The following DENND1B variants were observed in gnomAD, a reference collection of about 807,000 sequenced individuals.
DENND1B encodes DENN domain-containing protein 1B.
DENND1B carries 59 observed loss-of-function variants against 90.1 expected under a neutral mutation model. That is an observed-to-expected ratio of 0.65 (90% confidence interval 0.53 to 0.81). The LOEUF (loss-of-function observed/expected upper bound fraction) is 0.81, where lower values mean the gene tolerates loss of function less well. Ranked by LOEUF, DENND1B falls within the 40% of genes least tolerant of loss-of-function variation. The pLI is 0.00. For synonymous variants in DENND1B, 337 were observed against 324.6 expected, an observed-to-expected ratio of 1.04 and a Z score of -0.41; for missense variants, 862 against 912.6, an observed-to-expected ratio of 0.94 and a Z score of 0.71.
intron 10 of DENND1B, among the ~76,000 whole-genome samples, chr1:197,629,404 A>G (rs1679110121): frequency 1.3e-5 from 2 of 151,972 alleles, no homozygotes; most frequent in South Asian, 4.2e-4. Flanking sequence ...GGAAATCATG[A>G]TTCTCAGTAA....
intron 3 of DENND1B, among the ~76,000 whole-genome samples, chr1:197,703,066 C>T (rs897813712): frequency 6.6e-6 from 1 of 152,068 alleles, no homozygotes; most frequent in African/African-American, 2.4e-5. Flanking sequence ...CAGCTCACTG[C>T]AACCTCCGCC....
At chr1:197,666,960 C>G (rs911106509) in intron 5 of DENND1B, among the ~76,000 whole-genome samples, 1 of 152,002 alleles carries the variant, frequency 6.6e-6, no homozygotes, top group African/African-American at 2.4e-5. Flanking sequence ...ATGGTGAAAC[C>G]CCGTCTCTAC....
At chr1:197,617,078 T>G (rs1677716810) in intron 11 of DENND1B, among the ~76,000 whole-genome samples, 1 of 151,022 alleles carries the variant, frequency 6.6e-6, no homozygotes, top group South Asian at 2.1e-4. Context: ...CAGGAAACTT[T>G]TCAGAACTAC....
chr1:197,612,246 T>C (rs1162905876), intron 11 of DENND1B, among the ~76,000 whole-genome samples: 1 of 150,642 alleles, frequency 6.6e-6, no homozygotes, highest in African/African-American at 2.4e-5. Context: ...AGTTTGTTTG[T>C]TGGTTTGTTT....
At chr1:197,735,870 C>A (rs1662625750) in intron 2 of DENND1B, 1 of 1,573,754 alleles carries the variant, frequency 6.4e-7, no homozygotes, top group Non-Finnish European at 8.7e-7. Context: ...AGTCAAATTG[C>A]AGGGGGCTAT....
In DENND1B at chr1:197,510,239, A is replaced by G; in HGVS notation, c.*221T>C. On this transcript the variant is annotated 3_prime_UTR_variant, in exon 23 of 23. Coordinates refer to ENST00000620048, the MANE Select transcript of DENND1B (RefSeq NM_001195215.2). ...CTCATGGTCAATACATACTTTAAAC[A>G]TACATACACACTAGTACCTGATTTA... is the stretch of plus-strand genomic sequence containing the variant. 2 of 552,922 alleles carry G rather than the reference A, an allele frequency of 3.6e-6. No individual in the cohort carries two copies. Among genetic ancestry groups the G allele is most frequent in the Non-Finnish European group, 6.2e-6 (2 of 320,734 alleles). The allele number at this position is 552,922 out of a possible 1,614,324, so 34.3% of individuals were successfully genotyped here.
chr1:197,556,306 T>C (rs886689052), intron 15 of DENND1B, among the ~76,000 whole-genome samples: 4 of 151,948 alleles, frequency 2.6e-5, no homozygotes, highest in South Asian at 2.1e-4. Flanking sequence ...CTCAGCATCA[T>C]GCAACATACC....
intron 18 of DENND1B, among the ~76,000 whole-genome samples, chr1:197,544,895 GA>G: frequency 4.9e-5 from 1 of 20,512 alleles, no homozygotes; most frequent in Non-Finnish European, 1.1e-4. Context: ...AGAGGAAGAA[GA>G]AGAAGAAAGA....
intron 9 of DENND1B, among the ~76,000 whole-genome samples, chr1:197,643,355 C>G (rs1380280021): frequency 6.6e-6 from 1 of 151,994 alleles, no homozygotes; most frequent in African/African-American, 2.4e-5. Context: ...TGGGGTTTCA[C>G]CATGTTGGCC....
chr1:197,655,907 G>A (rs1368659676), intron 6 of DENND1B, among the ~76,000 whole-genome samples: 1 of 152,104 alleles, frequency 6.6e-6, no homozygotes, highest in Non-Finnish European at 1.5e-5. Flanking sequence ...ACTGTATAGA[G>A]TTATGTTCTG....
At position 197,645,705 on chromosome 1, in the gene DENND1B, T is replaced by C; in HGVS notation, c.546A>G (p.Pro182=). The C allele has an allele frequency of 6.4e-7, 1 of 1,567,594 alleles. No individual in the cohort carries two copies. Among genetic ancestry groups the C allele is most frequent in the Admixed American group, 1.8e-5 (1 of 56,446 alleles). ...YFIAPDVTGL[P]TIPESRNLTE... is the part of the protein sequence containing the mutation. The stretch of plus-strand genomic sequence containing the variant: ...GGAAACTTACACTCTCGGGTATTGT[T>C]GGGAGTCCAGTTACATCAGGGGCAA... The change falls in exon 9 of 23, where the codon CCA becomes CCG. Residue 182 remains proline, a synonymous_variant. Coordinates refer to ENST00000620048, the MANE Select transcript of DENND1B (RefSeq NM_001195215.2).
intron 3 of DENND1B, among the ~76,000 whole-genome samples, chr1:197,714,806 AT>A (rs1199506830): frequency 6.6e-6 from 1 of 152,120 alleles, no homozygotes; most frequent in Non-Finnish European, 1.5e-5. Flanking sequence ...TCTAGCTCCT[AT>A]GAGTTTCAAT....
chr1:197,576,389 C>T (rs1323544144), intron 15 of DENND1B, among the ~76,000 whole-genome samples: 1 of 152,158 alleles, frequency 6.6e-6, no homozygotes, highest in Admixed American at 6.5e-5. Context: ...AAATCCGGAT[C>T]TACTGGATTC....
At chr1:197,511,304 T>C (rs1308914171) in intron 22 of DENND1B, among the ~76,000 whole-genome samples, 1 of 151,800 alleles carries the variant, frequency 6.6e-6, no homozygotes. Context: ...TAAATTTGCA[T>C]AAAATAATGT....
At chr1:197,620,468 C>T (rs79234531) in intron 10 of DENND1B, among the ~76,000 whole-genome samples, 3,767 of 151,350 alleles carry the variant, frequency 0.025, 155 homozygotes, top group African/African-American at 0.086. Context: ...TATTTTCTCT[C>T]ATAGATCAAA....
intron 15 of DENND1B, among the ~76,000 whole-genome samples, chr1:197,563,949 A>G (rs963945320): frequency 6.6e-6 from 1 of 152,010 alleles, no homozygotes; most frequent in African/African-American, 2.4e-5. Flanking sequence ...GATGTGATGG[A>G]AACAGCAAGC....
Position 197,595,205 on chromosome 1 carries a change from T to C in DENND1B, c.1047+3A>G. On this transcript the variant is annotated splice_donor_region_variant and intron_variant, in intron 14 of 22. Transcript: ENST00000620048. ...TAAAACAGTGATGAAACAAAACGCT[T>C]ACAGGTTTGTATCTCAGTGCATCTC... 3 of 1,607,822 alleles carry C rather than the reference T, an allele frequency of 1.9e-6. No individual in the cohort carries two copies. Among genetic ancestry groups the C allele is most frequent in the Non-Finnish European group, 2.5e-6 (3 of 1,177,636 alleles).
chr1:197,714,301 G>T (rs560059425), intron 3 of DENND1B, among the ~76,000 whole-genome samples: 2 of 151,326 alleles, frequency 1.3e-5, no homozygotes, highest in Non-Finnish European at 2.9e-5. Flanking sequence ...CAAAAAATTG[G>T]CAAAAAAATC....
intron 2 of DENND1B, among the ~76,000 whole-genome samples, chr1:197,727,895 C>A (rs1032554920): frequency 2.0e-5 from 3 of 151,936 alleles, no homozygotes; most frequent in African/African-American, 7.3e-5. Flanking sequence ...AAAGTGTAAA[C>A]TAATAGTTGA....
Sources: allele counts gnomAD v4.1 joint callset (sites outside exome capture counted in the v4.1 genomes callset), GRCh38; gene constraint gnomAD v4.1.1; transcripts MANE v1.5; gene names NCBI Gene and HGNC (gene_info 2026-07-23, HGNC 2026-07-21).